CDH1: variants seen among roughly 807,000 people sequenced by gnomAD.
The protein encoded by CDH1 is cadherin 1, also known as cadherin-1.
Under a neutral mutation model 84.5 loss-of-function variants are expected in CDH1, and 35 were observed. That is an observed-to-expected ratio of 0.41 (90% CI 0.32 to 0.55). The LOEUF (loss-of-function observed/expected upper bound fraction) is 0.55. CDH1 is among the 20% of genes least tolerant of loss of function. CDH1 has a pLI of 0.19. For synonymous variants in CDH1, 417 were observed against 439.0 expected (o/e 0.95, Z 0.63); for missense variants, 994 against 1,126.6 (o/e 0.88, Z 1.68).
chr16:68,745,609 G>GTGTGTATATATA (rs1555510504), intron 2 of CDH1, among the ~76,000 whole-genome samples: 13 of 122,276 alleles, frequency 1.1e-4, no homozygotes, highest in African/African-American at 4.2e-4. Context: ...ATATGTATGT[G>GTGTGTATATATA]TATATATATA....
At chr16:68,820,964 G>A (rs576004617) in intron 11 of CDH1, among the ~76,000 whole-genome samples, 2 of 152,216 alleles carry the variant, frequency 1.3e-5, no homozygotes, top group African/African-American at 4.8e-5. Context: ...TAAATGACGT[G>A]TGCTCATTGT....
Position 68,815,859 on chromosome 16 carries a change from G to A in CDH1, c.1565+100G>A, listed in dbSNP as rs536861798. The A allele has an allele frequency of 5.2e-6, 7 of 1,359,162 alleles. No individual in the cohort carries two copies. In the East Asian group the frequency reaches 9.4e-5, roughly 18 times the overall value. 84.2% of individuals were successfully genotyped at this position (1,359,162 alleles called of 1,614,324 possible). On this transcript the variant is annotated intron_variant, in intron 10 of 15. Coordinates refer to ENST00000261769, the MANE Select transcript of CDH1 (RefSeq NM_004360.5). Reference sequence around the variant, plus strand: ...TGTACTTCATGGCATTTTGTCATTTGTCTGTACAAGACCATTCTCTTAATT... The same window carrying A: ...TGTACTTCATGGCATTTTGTCATTTATCTGTACAAGACCATTCTCTTAATT...
At chr16:68,833,228 G>C in intron 15 of CDH1, 62 bp from the exon 16 acceptor site, 1 of 1,431,134 alleles carries the variant, frequency 7.0e-7, no homozygotes, top group South Asian at 1.1e-5. Context: ...TAGACTTCTT[G>C]CCCCAGATGA....
chr16:68,821,355 G>A (rs899981849), intron 11 of CDH1, among the ~76,000 whole-genome samples: 1 of 151,836 alleles, frequency 6.6e-6, no homozygotes, highest in Admixed American at 6.6e-5. Flanking sequence ...TGCGCCTGTA[G>A]TCTCAGCTAC....
At chr16:68,795,307 G>T (rs1030468870) in intron 2 of CDH1, among the ~76,000 whole-genome samples, 4 of 151,956 alleles carry the variant, frequency 2.6e-5, no homozygotes, top group Non-Finnish European at 5.9e-5. Flanking sequence ...GTCTCCCCAG[G>T]ATTCCTTTCA....
chr16:68,811,645 G>A (rs776471473), intron 6 of CDH1, 39 bp from the exon 7 acceptor site: 10 of 1,595,918 alleles, frequency 6.3e-6, no homozygotes, highest in African/African-American at 1.3e-5. Context: ...GTCCCAAAGT[G>A]CAGCTTGTCT....
chr16:68,740,040 G>T (rs1962522100), intron 2 of CDH1, among the ~76,000 whole-genome samples: 1 of 152,204 alleles, frequency 6.6e-6, no homozygotes, highest in African/African-American at 2.4e-5. Context: ...CCACTTGACT[G>T]TTGTCCAGGG....
At chr16:68,795,101 T>C (rs1960323461) in intron 2 of CDH1, among the ~76,000 whole-genome samples, 1 of 152,190 alleles carries the variant, frequency 6.6e-6, no homozygotes, top group Non-Finnish European at 1.5e-5. Context: ...TTCTGCTGAG[T>C]ATGAATGCTC....
At chr16:68,738,965 A>AC (rs1962485311) in intron 2 of CDH1, among the ~76,000 whole-genome samples, 1 of 6,046 alleles carries the variant, frequency 1.7e-4, no homozygotes, top group African/African-American at 2.2e-4. Flanking sequence ...TTTTTTTTTT[A>AC]AAGACAGGGT....
intron 11 of CDH1, among the ~76,000 whole-genome samples, chr16:68,821,082 G>A (rs191343515): frequency 2.0e-5 from 3 of 152,110 alleles, no homozygotes; most frequent in South Asian, 2.1e-4. Flanking sequence ...TTTTGTATCC[G>A]TATCGTATAC....
chr16:68,756,656 A>C (rs548685273), intron 2 of CDH1, among the ~76,000 whole-genome samples: 2 of 152,308 alleles, frequency 1.3e-5, no homozygotes, highest in South Asian at 4.2e-4. Context: ...TTTCTGGAGA[A>C]AATAGAATTT....
rs1345937516 is a variant in CDH1, at chr16:68,743,332, T to C, written c.163+4921T>C. Among the ~76,000 whole-genome samples, 188 of 27,210 alleles carry C rather than the reference T, an allele frequency of 6.9e-3. 6 individuals are homozygous for C. The highest frequency in any genetic ancestry group is 0.013 in the Non-Finnish European group (146 of 11,332). 17.9% of individuals were successfully genotyped at this position (27,210 alleles called of 152,430 possible). A position where few individuals can be genotyped will look rare whatever the true frequency, so the allele number is the denominator to read the frequency against. On this transcript the variant is annotated intron_variant, in intron 2 of 15. Transcript: ENST00000261769. ...CTTTCTTTCTTTCTTTCTTTCTTTC[T>C]TTCTTTCTTTCTTTCTTTCTTTCTT... is the stretch of plus-strand genomic sequence containing the variant.
chr16:68,799,346 TAAAC>T, intron 2 of CDH1, among the ~76,000 whole-genome samples: 1 of 152,294 alleles, frequency 6.6e-6, no homozygotes, highest in East Asian at 1.9e-4. Flanking sequence ...TTTTATTTTT[TAAAC>T]AAACTGGGAG....
chr16:68,788,242 T>G (rs1190830798), intron 2 of CDH1, among the ~76,000 whole-genome samples: 1 of 152,190 alleles, frequency 6.6e-6, no homozygotes, highest in African/African-American at 2.4e-5. Context: ...ACTGATGGGG[T>G]ATTCCTCAAG....
rs1597847165 is a variant in CDH1 at position 68,748,058 on chromosome 16, C to T, written c.163+9647C>T. Among the ~76,000 whole-genome samples the T allele has an allele frequency of 2.0e-5, 3 of 151,344 alleles. 1 individual carries two copies. The East Asian group carries it at 5.8e-4, about 29-fold the overall frequency. Reference sequence around the variant, plus strand: ...GGATTACAGGCGTGAGCCACCGTGCCTGGCCCATTTTTATTTTTTTTAATT... The same window carrying T: ...GGATTACAGGCGTGAGCCACCGTGCTTGGCCCATTTTTATTTTTTTTAATT... On this transcript the variant is annotated intron_variant, in intron 2 of 15. Coordinates refer to ENST00000261769, the MANE Select transcript of CDH1 (RefSeq NM_004360.5).
At chr16:68,751,243 C>T (rs1232673738) in intron 2 of CDH1, among the ~76,000 whole-genome samples, 1 of 152,192 alleles carries the variant, frequency 6.6e-6, no homozygotes, top group Non-Finnish European at 1.5e-5. Context: ...TGAGGCTTCA[C>T]TGATCTGTCC....
rs587781696 is a variant in CDH1, at chr16:68,822,219, G to A, written c.1930G>A (p.Asp644Asn). The A allele has an allele frequency of 8.7e-6, 14 of 1,612,716 alleles. No individual in the cohort carries two copies. Among genetic ancestry groups the A allele is most frequent in the African/African-American group, 5.3e-5 (4 of 74,834 alleles). ...TGCCAACTGGACCATTCAGTACAAC[G>A]ACCCAAGTGGGTACCTGAGTTTTAT... ...ASANWTIQYN[D>N]PTQESIILKP... The change falls in exon 12 of 16, where the codon GAC becomes AAC. Residue 644 changes from aspartate (D) to asparagine (N), a missense_variant. Coordinates refer to ENST00000261769, the MANE Select transcript of CDH1 (RefSeq NM_004360.5).
intron 2 of CDH1, among the ~76,000 whole-genome samples, chr16:68,757,490 T>C (rs1248190347): frequency 6.6e-6 from 1 of 152,230 alleles, no homozygotes; most frequent in East Asian, 1.9e-4. Flanking sequence ...ACTTCCACCA[T>C]GGGAGTGTTT....
intron 2 of CDH1, among the ~76,000 whole-genome samples, chr16:68,764,571 A>G (rs1172750849): frequency 6.6e-6 from 1 of 152,190 alleles, no homozygotes; most frequent in Non-Finnish European, 1.5e-5. Flanking sequence ...GTGAGACTCC[A>G]TCTCAAAATA....
Sources: allele counts gnomAD v4.1 joint callset (sites outside exome capture counted in the v4.1 genomes callset), GRCh38; gene constraint gnomAD v4.1.1; transcripts MANE v1.5; gene names NCBI Gene and HGNC (gene_info 2026-07-23, HGNC 2026-07-21).